Variants in CHCHD3 observed in about 807,000 individuals in gnomAD.
The protein encoded by CHCHD3 is MICOS complex subunit MIC19.
In CHCHD3, 20 loss-of-function variants were observed where a neutral mutation model predicts 38.2. The ratio of observed to expected loss-of-function variants is 0.52; its 90% CI spans 0.37 to 0.76. The LOEUF (loss-of-function observed/expected upper bound fraction) is 0.76, where lower values mean the gene tolerates loss of function less well. Ranked by LOEUF, CHCHD3 falls within the 30% of genes least tolerant of loss-of-function variation. The probability of loss-of-function intolerance (pLI) is 0.00; values close to 1 mark genes in which losing one functional copy is unlikely to be tolerated. For missense variants in CHCHD3, 245 were observed against 279.2 expected (o/e 0.88, Z 0.87); for synonymous variants, 82 against 100.0 (o/e 0.82, Z 1.07).
chr7:132,835,400 A>T (rs1394929233), intron 6 of CHCHD3, among the ~76,000 whole-genome samples: 2 of 152,230 alleles, frequency 1.3e-5, no homozygotes, highest in Non-Finnish European at 2.9e-5. Context: ...GTTTGGCCAT[A>T]TTATTAATTA....
chr7:132,837,357 T>C (rs999704269), intron 6 of CHCHD3, among the ~76,000 whole-genome samples: 9 of 152,162 alleles, frequency 5.9e-5, no homozygotes, highest in African/African-American at 2.2e-4. Context: ...TATTAATATG[T>C]CTAAATTCTT....
In CHCHD3 at chr7:133,035,814, G is replaced by T; in HGVS notation, c.170-11187C>A. 6.2e-7 allele frequency: 1 copy of T among 1,613,134 alleles called. No homozygotes were observed. The highest frequency in any genetic ancestry group is 8.5e-7 in the Non-Finnish European group (1 of 1,179,126). Reference sequence around the variant, plus strand: ...GTTGGTTTGGCCAAAATGGAAGTGGGGTGGTGCGGAGAGCACGCGGATCTG... The same window carrying T: ...GTTGGTTTGGCCAAAATGGAAGTGGTGTGGTGCGGAGAGCACGCGGATCTG... On this transcript the variant is annotated intron_variant, in intron 2 of 7. Coordinates refer to ENST00000262570, the MANE Select transcript of CHCHD3 (RefSeq NM_017812.4). The surrounding 1 kb of genome is among the most constrained non-coding windows in gnomAD (Gnocchi z 4.7).
At chr7:132,932,681 TCAGG>T (rs1488939048) in intron 4 of CHCHD3, among the ~76,000 whole-genome samples, 1 of 152,220 alleles carries the variant, frequency 6.6e-6, no homozygotes, top group Non-Finnish European at 1.5e-5. Context: ...ATATTTCAAA[TCAGG>T]CTCATTATTA....
intron 4 of CHCHD3, among the ~76,000 whole-genome samples, chr7:132,898,437 A>C (rs1809566408): frequency 6.6e-6 from 1 of 152,190 alleles, no homozygotes; most frequent in African/African-American, 2.4e-5. Context: ...CCAAGGCCCC[A>C]CCAGAGTAGC....
chr7:132,933,395 G>A (rs1331501500), intron 4 of CHCHD3, among the ~76,000 whole-genome samples: 8 of 152,208 alleles, frequency 5.3e-5, no homozygotes, highest in Non-Finnish European at 1.2e-4. Context: ...CAATGACTAT[G>A]TGCAAAACAT....
chr7:132,996,239 C>T lies in CHCHD3; in HGVS notation c.252-20953G>A, dbSNP rs189433389. Among the ~76,000 whole-genome samples, 597 of 152,296 alleles carry T rather than the reference C, an allele frequency of 3.9e-3. 3 individuals carry two copies. Among genetic ancestry groups the T allele is most frequent in the Non-Finnish European group, 6.5e-3 (443 of 68,030 alleles). On this transcript the variant is annotated intron_variant, in intron 3 of 7. Coordinates refer to ENST00000262570, the MANE Select transcript of CHCHD3 (RefSeq NM_017812.4). The stretch of plus-strand genomic sequence containing the variant: ...CTAATGAAGCCCACCCTTCTGTGGA[C>T]CTTTATGCAGGGCACTGTTACGTGC...
At chr7:132,928,631 A>C (rs1030383625) in intron 4 of CHCHD3, among the ~76,000 whole-genome samples, 1 of 152,214 alleles carries the variant, frequency 6.6e-6, no homozygotes, top group African/African-American at 2.4e-5. Flanking sequence ...TGGGAGGCGG[A>C]GGTTGCAGTG....
intron 6 of CHCHD3, among the ~76,000 whole-genome samples, chr7:132,814,380 C>T (rs1471051631): frequency 6.6e-6 from 1 of 152,092 alleles, no homozygotes; most frequent in Non-Finnish European, 1.5e-5. Flanking sequence ...AAAGCTTTAA[C>T]CACCAAAGGA....
Position 133,081,882 on chromosome 7 carries a change from T to C in CHCHD3, c.56A>G (p.Asn19Ser), listed in dbSNP as rs1375128221. The C allele has an allele frequency of 6.4e-7, 1 of 1,557,680 alleles. No homozygotes were observed. Among genetic ancestry groups the C allele is most frequent in the Non-Finnish European group, 8.7e-7 (1 of 1,150,116 alleles). Residue 19 changes from asparagine (N) to serine (S), a missense_variant, in exon 1 of 8, where the codon AAC becomes AGC. Coordinates refer to ENST00000262570, the MANE Select transcript of CHCHD3 (RefSeq NM_017812.4). ...CCGGATGCCCTTCACCACGGTGATG[T>C]TCTCATTCTCGTCCGCCTCGAAGGT... is the stretch of plus-strand genomic sequence containing the variant. ...RVTFEADENE[N>S]ITVVKGIRLS...
Position 132,981,144 on chromosome 7 carries a change from C to G in CHCHD3, c.252-5858G>C, listed in dbSNP as rs138516160. ...GGGACCACAGTTGCATGCCACCAAG[C>G]CTGGCTGATTTTTGGGTTGTTTTTT... On this transcript the variant is annotated intron_variant, in intron 3 of 7. Transcript: ENST00000262570. Among the ~76,000 whole-genome samples the G allele has an allele frequency of 7.0e-3, 1,068 of 151,924 alleles. 11 individuals are homozygous for G. The highest frequency in any genetic ancestry group is 0.024 in the African/African-American group (993 of 41,362).
intron 2 of CHCHD3, among the ~76,000 whole-genome samples, chr7:133,063,879 T>C (rs1453631611): frequency 6.6e-6 from 1 of 152,160 alleles, no homozygotes; most frequent in African/African-American, 2.4e-5. Context: ...TCTGAATTAA[T>C]CTGGTCTGTG....
chr7:132,959,163 A>G lies in CHCHD3; in HGVS notation c.369+16006T>C, dbSNP rs117141178. 4.7e-3 allele frequency among the ~76,000 whole-genome samples: 713 copies of G among 152,282 alleles called. 1 individual carries two copies. Among genetic ancestry groups the G allele is most frequent in the Admixed American group, 9.5e-3 (145 of 15,290 alleles). Reference sequence around the variant, plus strand: ...AACCTGGCAGTAGCCTCAAATCACAATGTTATTCTACCTACACCTAACTCC... The same window carrying G: ...AACCTGGCAGTAGCCTCAAATCACAGTGTTATTCTACCTACACCTAACTCC... On this transcript the variant is annotated intron_variant, in intron 4 of 7. Transcript: ENST00000262570.
At position 133,035,225 on chromosome 7, in the gene CHCHD3, C is replaced by T. The variant is rs1813635479; in HGVS notation, c.170-10598G>A. On this transcript the variant is annotated intron_variant, in intron 2 of 7. Transcript: ENST00000262570. This position sits in a 1 kb window ranked among gnomAD's most constrained non-coding sequence, Gnocchi z 4.7. ...TCTCTTCCCGTGAACCCTTCTCTTT[C>T]CGTGGTGTGTCCTTTTTAGGCTGGG... 1.2e-6 allele frequency: 2 copies of T among 1,613,704 alleles called. No individual in the cohort carries two copies. Among genetic ancestry groups the T allele is most frequent in the Admixed American group, 1.7e-5 (1 of 60,000 alleles).
intron 6 of CHCHD3, among the ~76,000 whole-genome samples, chr7:132,805,823 T>C (rs573777056): frequency 6.6e-6 from 1 of 151,928 alleles, no homozygotes; most frequent in South Asian, 2.1e-4. Flanking sequence ...TGAGAGGACA[T>C]GGAAGTAAAG....
chr7:132,967,572 C>A (rs1671281765), intron 4 of CHCHD3, among the ~76,000 whole-genome samples: 1 of 151,680 alleles, frequency 6.6e-6, no homozygotes, highest in South Asian at 2.1e-4. Flanking sequence ...GGGAGGATCT[C>A]CTGAGCACAG....
At chr7:132,827,824 T>G (rs1807544384) in intron 6 of CHCHD3, among the ~76,000 whole-genome samples, 2 of 152,198 alleles carry the variant, frequency 1.3e-5, no homozygotes, top group African/African-American at 2.4e-5. Flanking sequence ...ATGTTTGAGA[T>G]CCATCCGTGC....
intron 3 of CHCHD3, among the ~76,000 whole-genome samples, chr7:132,990,020 A>G (rs1026634056): frequency 2.0e-5 from 3 of 152,090 alleles, no homozygotes; most frequent in Non-Finnish European, 4.4e-5. Context: ...TAAAAATACA[A>G]AAATTAGCCG....
At chr7:132,811,605 G>C (rs1160641694) in intron 6 of CHCHD3, among the ~76,000 whole-genome samples, 1 of 152,152 alleles carries the variant, frequency 6.6e-6, no homozygotes, top group African/African-American at 2.4e-5. Flanking sequence ...GGATAGAACT[G>C]CTCTTGCTAA....
At chr7:132,928,083 T>C (rs142962053) in intron 4 of CHCHD3, among the ~76,000 whole-genome samples, 71 of 152,252 alleles carry the variant, frequency 4.7e-4, no homozygotes, top group African/African-American at 1.6e-3. Flanking sequence ...GGACTCTAGT[T>C]GGAGGCTGGA....
Sources: gnomAD v4.1 joint callset for allele counts (sites outside exome capture counted in the v4.1 genomes callset) on GRCh38, gnomAD v4.1.1 for gene constraint, Gnocchi (gnomAD v3.1) non-coding constraint, MANE v1.5 for transcripts, NCBI Gene and HGNC (gene_info 2026-07-23, HGNC 2026-07-21) for gene names.